Variants in HDAC9 observed in about 807,000 individuals in gnomAD.
The protein encoded by HDAC9 is histone deacetylase 9, also known as MEF-2 interacting transcription repressor (MITR) protein.
In HDAC9, 41 loss-of-function variants were observed where a neutral mutation model predicts 139.4. The ratio of observed to expected loss-of-function variants is 0.29; its 90% CI spans 0.23 to 0.38. The LOEUF (loss-of-function observed/expected upper bound fraction) is 0.38, where lower values mean the gene tolerates loss of function less well. Among genes scored for constraint, HDAC9 ranks in the 10% least tolerant of loss-of-function variants. The probability of loss-of-function intolerance (pLI) is 1.00; values close to 1 mark genes in which losing one functional copy is unlikely to be tolerated. For missense variants in HDAC9, 1,147 were observed against 1,297.0 expected, an observed-to-expected ratio of 0.88 and a Z score of 1.78; for synonymous variants, 517 against 476.2, an observed-to-expected ratio of 1.09 and a Z score of -1.12.
chr7:18,737,121 CTCTTTTCT>C (rs1786994703), intron 13 of HDAC9, among the ~76,000 whole-genome samples: 1 of 152,030 alleles, frequency 6.6e-6, no homozygotes, highest in Non-Finnish European at 1.5e-5. Flanking sequence ...TGATTCTTCT[CTCTTTTCT>C]TCTTTATTGG....
chr7:18,769,085 C>T (rs956604318), intron 16 of HDAC9, among the ~76,000 whole-genome samples: 1 of 152,064 alleles, frequency 6.6e-6, no homozygotes, highest in Non-Finnish European at 1.5e-5. Flanking sequence ...GTGGGTTTAT[C>T]GGGACTCCTT....
At chr7:18,589,858 G>A (rs28587220) in intron 3 of HDAC9, among the ~76,000 whole-genome samples, 5,398 of 152,068 alleles carry the variant, frequency 0.035, 199 homozygotes, top group African/African-American at 0.099. Flanking sequence ...TTTACTTCAG[G>A]TAAACTTCCC....
Position 19,001,706 on chromosome 7 carries a change from C to T in HDAC9, c.*5644C>T, listed in dbSNP as rs897476808. On this transcript the variant is annotated 3_prime_UTR_variant, in exon 26 of 26. Coordinates refer to ENST00000686413, the MANE Select transcript of HDAC9 (RefSeq NM_178425.4). The stretch of plus-strand genomic sequence containing the variant: ...TCTGGGGAAGCAACGTCAGTGTCTA[C>T]CTCCACAGTAACTATGATATAGGAA... The T allele has an allele frequency of 6.6e-6, 1 of 152,016 alleles. No individual in the cohort carries two copies. Among genetic ancestry groups the T allele is most frequent in the East Asian group, 1.9e-4 (1 of 5,202 alleles). 9.4% of individuals were successfully genotyped at this position (152,016 alleles called of 1,614,324 possible). A position where few individuals can be genotyped will look rare whatever the true frequency, so the allele number is the denominator to read the frequency against.
intron 22 of HDAC9, among the ~76,000 whole-genome samples, chr7:18,934,356 C>A (rs1328003154): frequency 2.0e-5 from 3 of 151,778 alleles, no homozygotes; most frequent in Non-Finnish European, 2.9e-5. Context: ...TACAGATTAA[C>A]CCCATTCATG....
intron 2 of HDAC9, among the ~76,000 whole-genome samples, chr7:18,179,259 C>T (rs530938373): frequency 2.0e-5 from 3 of 152,324 alleles, no homozygotes; most frequent in Non-Finnish European, 4.4e-5. Context: ...AGTCCAGCCT[C>T]CTGTGGGGTA....
intron 2 of HDAC9, among the ~76,000 whole-genome samples, chr7:18,584,597 T>C (rs1828884766): frequency 6.6e-6 from 1 of 152,204 alleles, no homozygotes; most frequent in Non-Finnish European, 1.5e-5. Context: ...TCCTCATACT[T>C]TTTCCACCTT....
At chr7:18,946,213 G>A (rs966865743) in intron 23 of HDAC9, among the ~76,000 whole-genome samples, 4 of 151,856 alleles carry the variant, frequency 2.6e-5, no homozygotes. Context: ...AAAACGTCTT[G>A]ATATCTGCTA....
chr7:18,383,523 G>C (rs1785627658), intron 1 of HDAC9, among the ~76,000 whole-genome samples: 1 of 151,806 alleles, frequency 6.6e-6, no homozygotes, highest in South Asian at 2.1e-4. Flanking sequence ...GCTCTTTGGA[G>C]AAAAAAATAG....
At chr7:18,603,998 T>C (rs1371936707) in intron 6 of HDAC9, among the ~76,000 whole-genome samples, 1 of 152,134 alleles carries the variant, frequency 6.6e-6, no homozygotes, top group Non-Finnish European at 1.5e-5. Flanking sequence ...TTATCCTTGT[T>C]GCTCTATAGA....
chr7:18,114,003 T>G (rs913148002), intron 1 of HDAC9, among the ~76,000 whole-genome samples: 3 of 152,170 alleles, frequency 2.0e-5, no homozygotes, highest in African/African-American at 7.2e-5. Context: ...ACATTCCCCC[T>G]CACCTTGCAG....
chr7:18,930,308 A>T (rs1014445286), intron 22 of HDAC9, among the ~76,000 whole-genome samples: 1 of 152,120 alleles, frequency 6.6e-6, no homozygotes, highest in Non-Finnish European at 1.5e-5. Flanking sequence ...CTGTGCTAAA[A>T]TTTTTCAACT....
At chr7:18,437,467 A>G (rs1791313558) in intron 1 of HDAC9, among the ~76,000 whole-genome samples, 1 of 151,740 alleles carries the variant, frequency 6.6e-6, no homozygotes, top group African/African-American at 2.4e-5. Context: ...CAAAATATAC[A>G]CTTCAGAAGT....
chr7:18,099,541 A>G (rs898363148), intron 1 of HDAC9, among the ~76,000 whole-genome samples: 2 of 152,186 alleles, frequency 1.3e-5, no homozygotes, highest in Non-Finnish European at 2.9e-5. Flanking sequence ...TTGTTTACTA[A>G]CCAGAACACC....
At chr7:18,686,364 T>G (rs1351872427) in intron 12 of HDAC9, among the ~76,000 whole-genome samples, 1 of 151,986 alleles carries the variant, frequency 6.6e-6, no homozygotes, top group Non-Finnish European at 1.5e-5. Flanking sequence ...AGTCAGGAAG[T>G]CACTGTATGG....
At position 18,809,792 on chromosome 7, in the gene HDAC9, A is replaced by T. The variant is rs118119589; in HGVS notation, c.2322+16340A>T. Among the ~76,000 whole-genome samples, 173 of 152,106 alleles carry T rather than the reference A, an allele frequency of 1.1e-3. 1 individual carries two copies. The East Asian group carries it at 0.029, about 25-fold the overall frequency. Reference sequence around the variant, plus strand: ...TGGGAATCTAAATGGGAAATTTATCATTATGGAAAACAGTATGGAATTTCC... The same window carrying T: ...TGGGAATCTAAATGGGAAATTTATCTTTATGGAAAACAGTATGGAATTTCC... On this transcript the variant is annotated intron_variant, in intron 17 of 25. Transcript: ENST00000686413.
intron 25 of HDAC9, among the ~76,000 whole-genome samples, chr7:18,995,148 T>G (rs1222362885): frequency 1.3e-5 from 2 of 152,242 alleles, no homozygotes; most frequent in South Asian, 2.1e-4. Flanking sequence ...GTTCATGGTT[T>G]ACACCTGAAA....
At position 18,443,836 on chromosome 7, in the gene HDAC9, A is replaced by T. The variant is rs142546644; in HGVS notation, c.-41-52426A>T. On this transcript the variant is annotated intron_variant, in intron 1 of 3. Coordinates refer to the HDAC9 transcript ENST00000413509. ...TATACATATATATATACACATTTGT[A>T]TAAACATTTGTATATACATTTGTAT... Among the ~76,000 whole-genome samples the T allele has an allele frequency of 1.5e-3, 222 of 151,516 alleles. 5 individuals carry two copies. In the East Asian group the frequency reaches 0.041, roughly 28 times the overall value.
At chr7:18,349,701 C>A (rs901437580) in intron 1 of HDAC9, among the ~76,000 whole-genome samples, 1 of 150,712 alleles carries the variant, frequency 6.6e-6, no homozygotes, top group Non-Finnish European at 1.5e-5. Context: ...AAACAAAGTT[C>A]CTGACAAAAA....
intron 12 of HDAC9, among the ~76,000 whole-genome samples, chr7:18,717,108 G>A (rs1784760287): frequency 6.6e-6 from 1 of 151,396 alleles, no homozygotes; most frequent in African/African-American, 2.4e-5. Context: ...ACCCTCACTG[G>A]AAGTGACCAG....
Sources: gnomAD v4.1 joint callset for allele counts (sites outside exome capture counted in the v4.1 genomes callset) on GRCh38, gnomAD v4.1.1 for gene constraint, MANE v1.5 for transcripts, NCBI Gene and HGNC (gene_info 2026-07-23, HGNC 2026-07-21) for gene names.